Variants in LMX1A observed in about 807,000 individuals in gnomAD.
The protein encoded by LMX1A is LIM homeobox transcription factor 1 alpha, also known as LIM homeobox transcription factor 1-alpha.
Under a neutral mutation model 49.1 loss-of-function variants are expected in LMX1A, and 15 were observed. The observed-to-expected ratio is 0.31, with a 90% CI of 0.20 to 0.47. LMX1A has a LOEUF of 0.47. Among genes scored for constraint, LMX1A ranks in the 20% least tolerant of loss-of-function variants. The pLI is 1.00. For missense variants in LMX1A, 372 were observed against 475.8 expected (o/e 0.78, Z 2.03); for synonymous variants, 167 against 185.7 (o/e 0.90, Z 0.82).
rs978278483 is a variant in LMX1A at position 165,203,484 on chromosome 1, C to T, written c.*396G>A. ...GAAAGGTTACACACTCACACACACA[C>T]ATCTATCTATCTGTCCTTCTGTCTA... On this transcript the variant is annotated 3_prime_UTR_variant, in exon 9 of 9. Coordinates refer to ENST00000342310, the MANE Select transcript of LMX1A (RefSeq NM_177398.4). 1 of 160,444 alleles carries T rather than the reference C, an allele frequency of 6.2e-6. No individual in the cohort carries two copies. The highest frequency in any genetic ancestry group is 1.4e-5 in the Non-Finnish European group (1 of 72,826). 9.9% of individuals were successfully genotyped at this position (160,444 alleles called of 1,614,324 possible). A position where few individuals can be genotyped will look rare whatever the true frequency, so the allele number is the denominator to read the frequency against.
intron 4 of LMX1A, among the ~76,000 whole-genome samples, chr1:165,231,113 T>G (rs1253069908): frequency 2.0e-5 from 3 of 148,960 alleles, no homozygotes; most frequent in African/African-American, 7.4e-5. Flanking sequence ...TTTATTTATT[T>G]ATTTTTAAGT....
In LMX1A at chr1:165,323,813, C is replaced by G. The variant is rs117812157; in HGVS notation, c.263+29263G>C. Among the ~76,000 whole-genome samples the G allele has an allele frequency of 3.0e-4, 45 of 151,906 alleles. No individual in the cohort carries two copies. The East Asian group carries it at 8.5e-3, about 29-fold the overall frequency. ...TTCACTGTTCTCAATACTTTCACATCTGTGCTTTTTCTTCTGTACTAGATT... is the reference window on the plus strand; with the variant it reads ...TTCACTGTTCTCAATACTTTCACATGTGTGCTTTTTCTTCTGTACTAGATT... On this transcript the variant is annotated intron_variant, in intron 3 of 8. Transcript: ENST00000342310.
intron 4 of LMX1A, among the ~76,000 whole-genome samples, chr1:165,221,987 C>G (rs1436851122): frequency 6.6e-6 from 1 of 151,374 alleles, no homozygotes; most frequent in Non-Finnish European, 1.5e-5. Flanking sequence ...TCCATCATTC[C>G]CTCTCTGAAT....
At chr1:165,313,471 C>CTTTTTTTTTTTTTTTTTTT (rs34912339) in intron 3 of LMX1A, among the ~76,000 whole-genome samples, 181 of 114,670 alleles carry the variant, frequency 1.6e-3, no homozygotes, top group Non-Finnish European at 2.0e-3. Flanking sequence ...CACCTTCTTC[C>CTTTTTTTTTTTTTTTTTTT]TTTTTTTTTT....
At chr1:165,263,459 G>A (rs568562222) in intron 3 of LMX1A, among the ~76,000 whole-genome samples, 2 of 151,952 alleles carry the variant, frequency 1.3e-5, no homozygotes, top group African/African-American at 2.4e-5. Context: ...TTTATCCTCC[G>A]CATCTCATAT....
intron 4 of LMX1A, among the ~76,000 whole-genome samples, chr1:165,232,308 G>A (rs987105807): frequency 6.6e-6 from 1 of 152,238 alleles, no homozygotes; most frequent in Admixed American, 6.5e-5. Context: ...TCATCAAAGA[G>A]AGGGAAGCAT....
chr1:165,221,815 T>C (rs947986873), intron 4 of LMX1A, among the ~76,000 whole-genome samples: 2 of 152,072 alleles, frequency 1.3e-5, no homozygotes, highest in Non-Finnish European at 2.9e-5. Flanking sequence ...TTGGGACTGA[T>C]TGGTAGAATT....
intron 3 of LMX1A, among the ~76,000 whole-genome samples, chr1:165,345,291 G>A (rs1309390701): frequency 6.6e-6 from 1 of 152,224 alleles, no homozygotes; most frequent in East Asian, 1.9e-4. Context: ...GATGGAATTA[G>A]AGAGGAAGCT....
At chr1:165,293,616 C>T (rs976237638) in intron 3 of LMX1A, among the ~76,000 whole-genome samples, 2 of 152,210 alleles carry the variant, frequency 1.3e-5, no homozygotes, top group African/African-American at 2.4e-5. Flanking sequence ...GCTGCTATAG[C>T]AAAATGTCGT....
intron 3 of LMX1A, among the ~76,000 whole-genome samples, chr1:165,298,896 T>C (rs1328996419): frequency 6.6e-6 from 1 of 152,260 alleles, no homozygotes; most frequent in Non-Finnish European, 1.5e-5. Context: ...ATTTCAGCTA[T>C]ATGAAGTGTC....
rs577184672 is a variant in LMX1A at position 165,283,109 on chromosome 1, T to C, written c.264-33469A>G. On this transcript the variant is annotated intron_variant, in intron 3 of 8. Coordinates refer to ENST00000342310, the MANE Select transcript of LMX1A (RefSeq NM_177398.4). ...AGACTTTGGTCAATGACAGGCTGTG[T>C]AGACAATGGTGGACCCATAAAATTA... Among the ~76,000 whole-genome samples the C allele has an allele frequency of 3.9e-5, 6 of 152,380 alleles. No homozygotes were observed. The South Asian group carries it at 1.0e-3, about 26-fold the overall frequency.
chr1:165,301,919 G>T (rs1185244503), intron 3 of LMX1A, among the ~76,000 whole-genome samples: 2 of 151,982 alleles, frequency 1.3e-5, no homozygotes, highest in African/African-American at 2.4e-5. Flanking sequence ...GGTTGGGGGT[G>T]GGGGGAATAT....
intron 3 of LMX1A, among the ~76,000 whole-genome samples, chr1:165,298,762 A>C (rs752417013): frequency 2.5e-4 from 38 of 152,260 alleles, no homozygotes; most frequent in Non-Finnish European, 1.6e-4. Context: ...ACCAAGAATT[A>C]TAAATTTAGC....
chr1:165,227,820 T>A (rs1652089531), intron 4 of LMX1A, among the ~76,000 whole-genome samples: 1 of 152,146 alleles, frequency 6.6e-6, no homozygotes, highest in Non-Finnish European at 1.5e-5. Flanking sequence ...TACCAAAAAG[T>A]CTTGGTTTTT....
chr1:165,355,684 G>T lies in LMX1A; in HGVS notation c.-22-103C>A. 1.2e-6 allele frequency: 1 copy of T among 830,892 alleles called. No individual in the cohort carries two copies. The highest frequency in any genetic ancestry group is 1.6e-5 in the South Asian group (1 of 61,958). 51.5% of individuals were successfully genotyped at this position (830,892 alleles called of 1,614,324 possible). ...AAAGAACTGAGGGAGTGTCCAGGGC[G>T]ACCAGAATCAGCCAGGAGGATAGGG... On this transcript the variant is annotated intron_variant, in intron 1 of 8. Transcript: ENST00000342310. This position sits in a 1 kb window ranked among gnomAD's most constrained non-coding sequence, Gnocchi z 4.7.
At chr1:165,328,134 C>T (rs1445460276) in intron 3 of LMX1A, among the ~76,000 whole-genome samples, 2 of 152,214 alleles carry the variant, frequency 1.3e-5, no homozygotes, top group Non-Finnish European at 2.9e-5. Context: ...AACAAAAACA[C>T]CAACCTGCAC....
intron 3 of LMX1A, among the ~76,000 whole-genome samples, chr1:165,325,501 T>C (rs7551782): frequency 0.86 from 130,639 of 151,830 alleles, 57,011 homozygotes; most frequent in East Asian, 0.94. Context: ...TCCAACACTG[T>C]CTTTTCACAA....
intron 4 of LMX1A, among the ~76,000 whole-genome samples, chr1:165,237,763 G>C (rs1652503968): frequency 6.6e-6 from 1 of 152,062 alleles, no homozygotes; most frequent in African/African-American, 2.4e-5. Flanking sequence ...GGTTTTCCTT[G>C]GTCACAGAAA....
intron 3 of LMX1A, among the ~76,000 whole-genome samples, chr1:165,296,014 G>A (rs1003969944): frequency 6.6e-6 from 1 of 152,186 alleles, no homozygotes; most frequent in African/African-American, 2.4e-5. Flanking sequence ...GTAACCTTTA[G>A]AGAACTTATT....
Sources: gnomAD v4.1 joint callset for allele counts (sites outside exome capture counted in the v4.1 genomes callset) on GRCh38, gnomAD v4.1.1 for gene constraint, Gnocchi (gnomAD v3.1) non-coding constraint, MANE v1.5 for transcripts, NCBI Gene and HGNC (gene_info 2026-07-23, HGNC 2026-07-21) for gene names.